The following IFIT1 variants were observed in gnomAD, a reference collection of about 807,000 sequenced individuals.
IFIT1 encodes interferon induced protein with tetratricopeptide repeats 1.
Under a neutral mutation model 2.5 loss-of-function variants are expected in IFIT1, and 1 was observed. That is an observed-to-expected ratio of 0.40 (90% CI 0.14 to 1.92). IFIT1 has a LOEUF of 1.92. Ranked by LOEUF, IFIT1 falls within the 40% of genes most tolerant of loss-of-function variation. The pLI is 0.31. For synonymous variants in IFIT1, 191 were observed against 201.7 expected (o/e 0.95, Z 0.45); for missense variants, 508 against 557.8 (o/e 0.91, Z 0.90).
At chr10:89,400,829 C>A (rs1324615492) in intron 1 of IFIT1, among the ~76,000 whole-genome samples, 4 of 152,298 alleles carry the variant, frequency 2.6e-5, no homozygotes, top group African/African-American at 9.6e-5. Context: ...GAGCATCTTA[C>A]CTCATTCCTG....
rs1233137839 is a variant in IFIT1, at chr10:89,403,250, C to T, written c.975C>T (p.Ala325=). The T allele has an allele frequency of 6.2e-7, 1 of 1,614,014 alleles. No homozygotes were observed. Among genetic ancestry groups the T allele is most frequent in the African/African-American group, 1.3e-5 (1 of 74,928 alleles). ...AGCTAGACAAAATGATAAGATCAGC[C>T]ATATTTCATTTTGAATCTGCAGTGG... ...REKLDKMIRS[A]IFHFESAVEK... Residue 325 remains alanine, a synonymous_variant, in exon 2 of 2, where the codon GCC becomes GCT. Coordinates refer to ENST00000371804, the MANE Select transcript of IFIT1 (RefSeq NM_001548.5).
chr10:89,393,467 T>C (rs1564807280), intron 1 of IFIT1: 1 of 425,862 alleles, frequency 2.3e-6, no homozygotes, highest in Non-Finnish European at 4.0e-6. Context: ...GCAAGGGGGC[T>C]CATGCTTGTA....
intron 1 of IFIT1, 103 bp downstream of exon 1, chr10:89,392,820 T>C (rs2133612346): frequency 4.9e-6 from 6 of 1,215,066 alleles, no homozygotes; most frequent in African/African-American, 1.5e-5. Context: ...TCAGGTTTTC[T>C]AATTCCTCGA....
In IFIT1 at chr10:89,403,348, A is replaced by G. The variant is rs373875117; in HGVS notation, c.1073A>G (p.Lys358Arg). The G allele has an allele frequency of 2.4e-5, 39 of 1,613,106 alleles. No homozygotes were observed. Among genetic ancestry groups the G allele is most frequent in the African/African-American group, 4.0e-5 (3 of 74,858 alleles). Reference sequence around the variant, plus strand: ...TATATAGAAGCAGGCAATCACAGAAAAGCTGAAGAGAATTTTCAAAAATTG... The same window carrying G: ...TATATAGAAGCAGGCAATCACAGAAGAGCTGAAGAGAATTTTCAAAAATTG... ...RMYIEAGNHR[K>R]AEENFQKLLC... is the part of the protein sequence containing the mutation. The change falls in exon 2 of 2, where the codon AAA (lysine) becomes AGA (arginine). Residue 358 changes from lysine (K) to arginine (R), a missense_variant. Lys to Arg is a conservative substitution (Grantham distance 26). Coordinates refer to ENST00000371804, the MANE Select transcript of IFIT1 (RefSeq NM_001548.5).
At chr10:89,400,699 A>G (rs1275309304) in intron 1 of IFIT1, among the ~76,000 whole-genome samples, 1 of 152,222 alleles carries the variant, frequency 6.6e-6, no homozygotes, top group African/African-American at 2.4e-5. Context: ...AAATTATGCC[A>G]TTTGTGAACA....
At position 89,403,244 on chromosome 10, in the gene IFIT1, A is replaced by G. The variant is rs2133633280; in HGVS notation, c.969A>G (p.Arg323=). 1 of 1,614,186 alleles carries G rather than the reference A, an allele frequency of 6.2e-7. No homozygotes were observed. Among genetic ancestry groups the G allele is most frequent in the African/African-American group, 1.3e-5 (1 of 75,054 alleles). ...QNREKLDKMI[R]SAIFHFESAV... ...GAGAAAAGCTAGACAAAATGATAAGATCAGCCATATTTCATTTTGAATCTG... is the reference window on the plus strand; with the variant it reads ...GAGAAAAGCTAGACAAAATGATAAGGTCAGCCATATTTCATTTTGAATCTG... The change falls in exon 2 of 2, where the codon AGA becomes AGG. Residue 323 remains arginine (R), a synonymous_variant. Transcript: ENST00000371804.
In IFIT1 at chr10:89,400,723, T is replaced by C. The variant is rs146526736; in HGVS notation, c.6-1558T>C. ...CATTTGTGAACAGAGATAATCTTAC[T>C]TCTTCCTTTCCAACTTGGATGTCTT... On this transcript the variant is annotated intron_variant, in intron 1 of 1. Coordinates refer to ENST00000371804, the MANE Select transcript of IFIT1 (RefSeq NM_001548.5). Among the ~76,000 whole-genome samples, 12 of 152,356 alleles carry C rather than the reference T, an allele frequency of 7.9e-5. No homozygotes were observed. The East Asian group carries it at 2.3e-3, about 29-fold the overall frequency.
intron 1 of IFIT1, among the ~76,000 whole-genome samples, chr10:89,398,257 A>G (rs1308599265): frequency 2.6e-5 from 4 of 152,228 alleles, no homozygotes; most frequent in Admixed American, 6.5e-5. Flanking sequence ...GGGGGAATGT[A>G]TCTTAAACAG....
intron 1 of IFIT1, among the ~76,000 whole-genome samples, chr10:89,395,180 C>T (rs1844323178): frequency 6.7e-6 from 1 of 148,270 alleles, no homozygotes; most frequent in Non-Finnish European, 1.5e-5. Context: ...CCCCACTGAC[C>T]CCACCCCCAC....
intron 1 of IFIT1, among the ~76,000 whole-genome samples, chr10:89,398,839 CAAAT>C (rs1374018777): frequency 1.3e-5 from 2 of 152,118 alleles, no homozygotes; most frequent in African/African-American, 4.8e-5. Flanking sequence ...TGAATATGGA[CAAAT>C]AAATAATCTG....
chr10:89,400,049 T>C (rs986903631), intron 1 of IFIT1, among the ~76,000 whole-genome samples: 2 of 152,186 alleles, frequency 1.3e-5, no homozygotes, highest in Non-Finnish European at 2.9e-5. Context: ...CTCTGTTATA[T>C]TGAGTTATGA....
At chr10:89,400,336 G>T (rs563035326) in intron 1 of IFIT1, among the ~76,000 whole-genome samples, 1 of 152,198 alleles carries the variant, frequency 6.6e-6, no homozygotes, top group Admixed American at 6.5e-5. Context: ...TTTTTATTAG[G>T]ATTGCATTGA....
Position 89,403,762 on chromosome 10 carries a change from T to C in IFIT1, c.*50T>C, listed in dbSNP as rs1844482967. 1 of 972,502 alleles carries C rather than the reference T, an allele frequency of 1.0e-6. No individual in the cohort carries two copies. The highest frequency in any genetic ancestry group is 1.6e-6 in the Non-Finnish European group (1 of 642,884). The allele number at this position is 972,502 out of a possible 1,614,324, so 60.2% of individuals were successfully genotyped here. ...CATTTCATTTCATTTTATGCTAACATTTACTAATCATCTTTTCTGCTTACT... is the reference window on the plus strand; with the variant it reads ...CATTTCATTTCATTTTATGCTAACACTTACTAATCATCTTTTCTGCTTACT... On this transcript the variant is annotated 3_prime_UTR_variant, in exon 2 of 2. Coordinates refer to ENST00000371804, the MANE Select transcript of IFIT1 (RefSeq NM_001548.5).
rs1159887765 is a variant in IFIT1, at chr10:89,403,423, A to G, written c.1148A>G (p.His383Arg). 2 of 1,613,992 alleles carry G rather than the reference A, an allele frequency of 1.2e-6. No individual in the cohort carries two copies. The highest frequency in any genetic ancestry group is 1.7e-5 in the Admixed American group (1 of 59,996). Reference sequence around the variant, plus strand: ...GAAACAATGCAAGACATACATTTCCACTATGGTCGGTTTCAGGAATTTCAA... The same window carrying G: ...GAAACAATGCAAGACATACATTTCCGCTATGGTCGGTTTCAGGAATTTCAA... Reference protein sequence around the residue: ...VEETMQDIHFHYGRFQEFQKK... With the variant: ...VEETMQDIHFRYGRFQEFQKK... Residue 383 changes from histidine to arginine, a missense_variant, in exon 2 of 2, where the codon CAC (histidine) becomes CGC (arginine). His to Arg is a conservative substitution (Grantham distance 29). Coordinates refer to ENST00000371804, the MANE Select transcript of IFIT1 (RefSeq NM_001548.5).
intron 1 of IFIT1, among the ~76,000 whole-genome samples, chr10:89,401,414 C>T (rs546537372): frequency 6.6e-6 from 1 of 152,208 alleles, no homozygotes; most frequent in South Asian, 2.1e-4. Context: ...AGCCACCGCA[C>T]CCAGCCTATA....
At chr10:89,394,179 G>GTACTA (rs1844299676) in intron 1 of IFIT1, among the ~76,000 whole-genome samples, 1 of 152,152 alleles carries the variant, frequency 6.6e-6, no homozygotes, top group African/African-American at 2.4e-5. Context: ...TTACTGTACT[G>GTACTA]AATACTGTAG....
At position 89,403,299 on chromosome 10, in the gene IFIT1, G is replaced by T; in HGVS notation, c.1024G>T (p.Ala342Ser). The T allele has an allele frequency of 6.2e-7, 1 of 1,614,070 alleles. No individual in the cohort carries two copies. Residue 342 changes from alanine (A) to serine (S), a missense_variant, in exon 2 of 2, where the codon GCT becomes TCT. By Grantham distance (99) the Ala-to-Ser change is moderately conservative (BLOSUM62 1). Transcript: ENST00000371804. ...AVEKKPTFEVAHLDLARMYIE... is the reference protein window; with the variant it reads ...AVEKKPTFEVSHLDLARMYIE... The stretch of plus-strand genomic sequence containing the variant: ...GGAAAAAAAGCCCACATTTGAGGTG[G>T]CTCATCTAGACCTGGCAAGAATGTA...
At chr10:89,400,773 C>T (rs1844410159) in intron 1 of IFIT1, among the ~76,000 whole-genome samples, 2 of 152,142 alleles carry the variant, frequency 1.3e-5, no homozygotes, top group African/African-American at 2.4e-5. Flanking sequence ...TTCCTAATTG[C>T]TCTGACTAGA....
intron 1 of IFIT1, among the ~76,000 whole-genome samples, chr10:89,396,780 G>A (rs1380146558): frequency 6.6e-6 from 1 of 152,162 alleles, no homozygotes; most frequent in African/African-American, 2.4e-5. Flanking sequence ...AACTTACTGG[G>A]TGAGAAGTGA....
Sources: gnomAD v4.1 joint callset for allele counts (sites outside exome capture counted in the v4.1 genomes callset) on GRCh38, gnomAD v4.1.1 for gene constraint, MANE v1.5 for transcripts, NCBI Gene and HGNC (gene_info 2026-07-23, HGNC 2026-07-21) for gene names.